VCF1: variants seen among roughly 807,000 people sequenced by gnomAD.
VCF1 encodes the protein protein VCF1.
the VCF1 span, chr17:73,208,523 C>G: frequency 6.5e-7 from 1 of 1,537,880 alleles, no homozygotes; most frequent in African/African-American, 1.4e-5. Flanking sequence ...CTCTGCTCAT[C>G]TGATTCTCAG....
At chr17:73,218,303 G>A in the VCF1 span, among the ~76,000 whole-genome samples, 1 of 152,174 alleles carries the variant, frequency 6.6e-6, no homozygotes, top group Admixed American at 6.5e-5. Context: ...TGAACTCAGT[G>A]GGTTAATTAA....
chr17:73,227,148 G>A, the VCF1 span: 1 of 1,536,292 alleles, frequency 6.5e-7, no homozygotes, highest in Non-Finnish European at 8.8e-7. Context: ...AACAGACTAT[G>A]TGACCACACT....
chr17:73,208,509 G>A, the VCF1 span: 2 of 1,581,212 alleles, frequency 1.3e-6, no homozygotes, highest in African/African-American at 2.7e-5. Context: ...TCTTCTAAAG[G>A]TGCCTCTGCT....
At chr17:73,210,486 TTCA>T in the VCF1 span, among the ~76,000 whole-genome samples, 2 of 144,282 alleles carry the variant, frequency 1.4e-5, no homozygotes, top group African/African-American at 5.0e-5. Context: ...CATTCTGCAG[TTCA>T]TGTTTTAAAA....
chr17:73,220,030 G>A, the VCF1 span, among the ~76,000 whole-genome samples: 2 of 151,372 alleles, frequency 1.3e-5, no homozygotes, highest in Admixed American at 6.6e-5. Context: ...ATTTGCTACA[G>A]GGTTCTAAAC....
chr17:73,224,835 C>CACAGG, the VCF1 span, among the ~76,000 whole-genome samples: 2 of 130,970 alleles, frequency 1.5e-5, no homozygotes, highest in Non-Finnish European at 3.3e-5. Flanking sequence ...CACAGCACAG[C>CACAGG]ACAGCACAGG....
chr17:73,228,175 C>A, the VCF1 span, among the ~76,000 whole-genome samples: 1 of 152,188 alleles, frequency 6.6e-6, no homozygotes, highest in Non-Finnish European at 1.5e-5. Flanking sequence ...AGGACATTTC[C>A]GTCACTGCAG....
the VCF1 span, chr17:73,232,303 C>G: frequency 3.2e-6 from 5 of 1,578,900 alleles, no homozygotes; most frequent in Non-Finnish European, 4.3e-6. Context: ...CCGCGCCCCC[C>G]CATGTCGCTG....
At chr17:73,232,263 C>A in the VCF1 span, 1 of 1,609,018 alleles carries the variant, frequency 6.2e-7, no homozygotes, top group Admixed American at 1.7e-5. Context: ...CTCAGTCGGA[C>A]CCGTACCACC....
the VCF1 span, among the ~76,000 whole-genome samples, chr17:73,216,230 C>A: frequency 2.0e-5 from 3 of 152,096 alleles, 1 homozygote; most frequent in South Asian, 4.1e-4. Flanking sequence ...GGAAGGAGAA[C>A]ACGCACCACC....
At chr17:73,231,334 G>GA in the VCF1 span, among the ~76,000 whole-genome samples, 7 of 152,130 alleles carry the variant, frequency 4.6e-5, no homozygotes, top group Admixed American at 4.6e-4. Context: ...TTAAGAGAGA[G>GA]AAAAAAATTA....
the VCF1 span, among the ~76,000 whole-genome samples, chr17:73,222,710 G>A: frequency 6.6e-6 from 1 of 151,410 alleles, no homozygotes; most frequent in Non-Finnish European, 1.5e-5. Context: ...CTGGGAGGTG[G>A]AGGTTGCAGT....
the VCF1 span, among the ~76,000 whole-genome samples, chr17:73,216,562 G>A: frequency 2.6e-5 from 4 of 152,114 alleles, 1 homozygote; most frequent in African/African-American, 9.7e-5. Flanking sequence ...GAGCCCACTA[G>A]CAGGCCAGGG....
At chr17:73,209,667 C>T in the VCF1 span, 1 of 1,551,750 alleles carries the variant, frequency 6.4e-7, no homozygotes, top group South Asian at 1.2e-5. Flanking sequence ...TGGATCCGGC[C>T]ATGGTCTGGC....
At chr17:73,231,807 G>A in the VCF1 span, among the ~76,000 whole-genome samples, 1 of 150,802 alleles carries the variant, frequency 6.6e-6, no homozygotes, top group African/African-American at 2.4e-5. Flanking sequence ...TCTCTCTTCC[G>A]GGACCGATCA....
the VCF1 span, among the ~76,000 whole-genome samples, chr17:73,228,095 C>T: frequency 2.0e-5 from 3 of 152,232 alleles, no homozygotes; most frequent in African/African-American, 7.2e-5. Flanking sequence ...TCCTAGGTCA[C>T]AGCTGCCCTG....
the VCF1 span, among the ~76,000 whole-genome samples, chr17:73,226,901 T>C: frequency 6.6e-6 from 1 of 152,166 alleles, no homozygotes. Context: ...AGTTCAAACA[T>C]AGGCTTTCAA....
the VCF1 span, among the ~76,000 whole-genome samples, chr17:73,221,573 C>G: frequency 6.6e-6 from 1 of 152,080 alleles, no homozygotes; most frequent in African/African-American, 2.4e-5. Flanking sequence ...TAATGTGATT[C>G]ATCTAGAATG....
chr17:73,211,898 G>A, the VCF1 span, among the ~76,000 whole-genome samples: 1 of 152,160 alleles, frequency 6.6e-6, no homozygotes, highest in African/African-American at 2.4e-5. Context: ...GGGCGTGGTG[G>A]CTCGCGCCTA....
Sources: gnomAD v4.1 joint callset for allele counts (sites outside exome capture counted in the v4.1 genomes callset) on GRCh38, gnomAD v4.1.1 for gene constraint, MANE v1.5 for transcripts, NCBI Gene and HGNC (gene_info 2026-07-23, HGNC 2026-07-21) for gene names.